The following TCF7L2 variants were observed in gnomAD, a reference collection of about 807,000 sequenced individuals.
TCF7L2 encodes the protein transcription factor 7-like 2.
TCF7L2 carries 23 observed loss-of-function variants against 77.9 expected under a neutral mutation model. The ratio of observed to expected loss-of-function variants is 0.30; its 90% CI spans 0.21 to 0.42. TCF7L2 has a LOEUF of 0.42. TCF7L2 is among the 10% of genes least tolerant of loss of function. The probability of loss-of-function intolerance (pLI) is 1.00; values close to 1 mark genes in which losing one functional copy is unlikely to be tolerated. For missense variants in TCF7L2, 654 were observed against 793.1 expected (o/e 0.82, Z 2.11); for synonymous variants, 413 against 340.2 (o/e 1.21, Z -2.36).
intron 5 of TCF7L2, among the ~76,000 whole-genome samples, chr10:113,070,137 T>G (rs918688314): frequency 6.6e-6 from 1 of 151,614 alleles, no homozygotes; most frequent in African/African-American, 2.4e-5. Flanking sequence ...GTGCCTGTAA[T>G]CCCAGCTACT....
intron 7 of TCF7L2, among the ~76,000 whole-genome samples, chr10:113,145,128 T>A (rs200394794): frequency 6.7e-5 from 10 of 149,902 alleles, no homozygotes; most frequent in East Asian, 2.0e-4. Flanking sequence ...TTTTTTTTTT[T>A]AATAAAAAAC....
intron 5 of TCF7L2, among the ~76,000 whole-genome samples, chr10:113,087,685 T>TG (rs11451675): frequency 0.3 from 45,904 of 152,002 alleles, 7,408 homozygotes; most frequent in Non-Finnish European, 0.36. Flanking sequence ...CTTCCCTTCC[T>TG]GGGGGCAGAT....
intron 3 of TCF7L2, among the ~76,000 whole-genome samples, chr10:112,957,190 C>CTTTTTTT (rs35054285): frequency 4.9e-5 from 3 of 60,650 alleles, no homozygotes; most frequent in African/African-American, 7.2e-5. Context: ...ACACCCCCAC[C>CTTTTTTT]TTTTTTTTTT....
chr10:113,102,182 G>A (rs969720942), intron 5 of TCF7L2, among the ~76,000 whole-genome samples: 1 of 148,838 alleles, frequency 6.7e-6, no homozygotes, highest in Non-Finnish European at 1.5e-5. Flanking sequence ...TGTCTAGGAC[G>A]TCTGTTTAAT....
At chr10:113,058,201 C>T (rs1257654106) in intron 5 of TCF7L2, among the ~76,000 whole-genome samples, 1 of 152,206 alleles carries the variant, frequency 6.6e-6, no homozygotes, top group Admixed American at 6.5e-5. Context: ...GACTGCCCAA[C>T]AGGGCTTCCT....
intron 5 of TCF7L2, among the ~76,000 whole-genome samples, chr10:113,083,576 C>T (rs891458955): frequency 6.6e-6 from 1 of 152,102 alleles, no homozygotes; most frequent in Non-Finnish European, 1.5e-5. Context: ...TGAGAATTAT[C>T]GATGGTGCAT....
intron 4 of TCF7L2, among the ~76,000 whole-genome samples, chr10:113,019,821 T>G (rs1182898729): frequency 6.6e-6 from 1 of 151,916 alleles, no homozygotes; most frequent in African/African-American, 2.4e-5. Context: ...TCATGTGGAC[T>G]TCAGCCAGTC....
intron 4 of TCF7L2, among the ~76,000 whole-genome samples, chr10:113,021,693 G>A (rs1443629735): frequency 1.3e-5 from 2 of 152,202 alleles, no homozygotes; most frequent in African/African-American, 2.4e-5. Flanking sequence ...ACCAGAATTG[G>A]TCTGACTTCC....
intron 13 of TCF7L2, among the ~76,000 whole-genome samples, chr10:113,160,965 T>C (rs1683966725): frequency 6.6e-6 from 1 of 152,182 alleles, no homozygotes; most frequent in Non-Finnish European, 1.5e-5. Context: ...ACTTATCTTT[T>C]TGCTTTGAAA....
At chr10:113,029,725 T>A (rs2049882636) in intron 4 of TCF7L2, among the ~76,000 whole-genome samples, 1 of 151,918 alleles carries the variant, frequency 6.6e-6, no homozygotes, top group Non-Finnish European at 1.5e-5. Context: ...TGGAGTTTCA[T>A]CACTTTGGTC....
intron 4 of TCF7L2, among the ~76,000 whole-genome samples, chr10:113,006,012 G>A (rs1041546200): frequency 6.6e-6 from 1 of 152,140 alleles, no homozygotes; most frequent in Non-Finnish European, 1.5e-5. Context: ...TCAGAACCAG[G>A]AGGGGAGGAG....
At chr10:113,017,518 G>C (rs1485941354) in intron 4 of TCF7L2, among the ~76,000 whole-genome samples, 2 of 152,264 alleles carry the variant, frequency 1.3e-5, no homozygotes, top group African/African-American at 2.4e-5. Flanking sequence ...GGGGAACCCT[G>C]TGTTCCTTGG....
intron 5 of TCF7L2, among the ~76,000 whole-genome samples, chr10:113,104,462 TG>T (rs957615459): frequency 2.0e-5 from 3 of 152,150 alleles, no homozygotes; most frequent in Admixed American, 6.5e-5. Flanking sequence ...TGAGAAGCAC[TG>T]GGGGAAAAGT....
At chr10:112,973,830 T>C (rs983301387) in intron 4 of TCF7L2, among the ~76,000 whole-genome samples, 11 of 152,132 alleles carry the variant, frequency 7.2e-5, no homozygotes, top group Admixed American at 6.6e-4. Flanking sequence ...CCTCAAGTAA[T>C]CTGCCCGCCT....
rs1396649788 is a variant in TCF7L2, at chr10:113,040,054, T to G, written c.480T>G (p.Asp160Glu). ...TCCAGATGAAATGGCCACTGCTTGA[T>G]GTCCAGGCAGGGAGCCTCCAGAGTA... Residue 160 changes from aspartate to glutamate, a missense_variant, in exon 5 of 14, where the codon GAT becomes GAG. By Grantham distance (45) the Asp-to-Glu change is conservative (BLOSUM62 2). This residue lies in a region of TCF7L2 where 179 missense variants were observed against 270.6 expected (regional missense o/e 0.66). Transcript: ENST00000627217. 5 of 1,613,982 alleles carry G rather than the reference T, an allele frequency of 3.1e-6. No individual in the cohort carries two copies. In the South Asian group the frequency reaches 5.5e-5, roughly 18 times the overall value.
intron 5 of TCF7L2, among the ~76,000 whole-genome samples, chr10:113,077,523 G>T (rs759137041): frequency 4.0e-5 from 6 of 151,848 alleles, no homozygotes; most frequent in Non-Finnish European, 7.4e-5. Flanking sequence ...CCATGCCCAA[G>T]GCAACTGTCA....
chr10:113,002,079 TC>T (rs750214557), intron 4 of TCF7L2, among the ~76,000 whole-genome samples: 2 of 152,142 alleles, frequency 1.3e-5, no homozygotes, highest in Non-Finnish European at 2.9e-5. Context: ...ACAGGTTTCA[TC>T]CCCAGCTCCT....
At chr10:112,951,091 T>G in intron 1 of TCF7L2, 116 bp from the exon 2 acceptor site, 1 of 1,308,878 alleles carries the variant, frequency 7.6e-7, no homozygotes, top group Non-Finnish European at 1.0e-6. Context: ...TGCAAAAACT[T>G]GTAACCCTGT....
At position 113,093,591 on chromosome 10, in the gene TCF7L2, G is replaced by A. The variant is rs138996906; in HGVS notation, c.553-47593G>A. Among the ~76,000 whole-genome samples the A allele has an allele frequency of 1.6e-4, 24 of 152,180 alleles. No homozygotes were observed. The East Asian group carries it at 3.1e-3, about 20-fold the overall frequency. On this transcript the variant is annotated intron_variant, in intron 5 of 13. Transcript: ENST00000627217. The stretch of plus-strand genomic sequence containing the variant: ...CTTTCCATGTAATTCAGCCAGATTC[G>A]AACCCTTTAGATCCCTTCCTCTAGG...
Sources: allele counts gnomAD v4.1 joint callset (sites outside exome capture counted in the v4.1 genomes callset), GRCh38; gene constraint gnomAD v4.1.1; regional missense constraint gnomAD v4.1.1; transcripts MANE v1.5; gene names NCBI Gene and HGNC (gene_info 2026-07-23, HGNC 2026-07-21).